LDB2: variants seen among roughly 807,000 people sequenced by gnomAD.
LDB2 encodes LIM domain binding 2.
In LDB2, 12 loss-of-function variants were observed where a neutral mutation model predicts 44.3. The ratio of observed to expected loss-of-function variants is 0.27; its 90% CI spans 0.17 to 0.44. The LOEUF is 0.44. LDB2 is among the 20% of genes least tolerant of loss of function. The probability of loss-of-function intolerance (pLI) is 1.00; values close to 1 mark genes in which losing one functional copy is unlikely to be tolerated. For synonymous variants in LDB2, 164 were observed against 174.8 expected, an observed-to-expected ratio of 0.94 and a Z score of 0.49; for missense variants, 344 against 473.5, an observed-to-expected ratio of 0.73 and a Z score of 2.54.
intron 1 of LDB2, among the ~76,000 whole-genome samples, chr4:16,895,811 C>T (rs1690874367): frequency 6.6e-6 from 1 of 152,006 alleles, no homozygotes; most frequent in Non-Finnish European, 1.5e-5. Context: ...CTCAGAGCAG[C>T]TTTATCATAA....
At chr4:16,579,227 C>T (rs371915874) in intron 5 of LDB2, among the ~76,000 whole-genome samples, 8 of 152,022 alleles carry the variant, frequency 5.3e-5, no homozygotes, top group South Asian at 4.2e-4. Context: ...TGATGGATAC[C>T]GTATTTACCT....
intron 2 of LDB2, among the ~76,000 whole-genome samples, chr4:16,693,966 A>G (rs1166676131): frequency 6.6e-6 from 1 of 152,188 alleles, no homozygotes; most frequent in Non-Finnish European, 1.5e-5. Context: ...GAAATCATTC[A>G]AACTTTCAAC....
intron 5 of LDB2, among the ~76,000 whole-genome samples, chr4:16,556,464 G>A (rs537073889): frequency 6.6e-6 from 1 of 152,312 alleles, no homozygotes; most frequent in Admixed American, 6.5e-5. Context: ...AGACTGCTTT[G>A]TGCATTATCA....
At chr4:16,563,454 TTTTTTTTTTTTTG>T (rs1173388969) in intron 5 of LDB2, among the ~76,000 whole-genome samples, 1 of 104,880 alleles carries the variant, frequency 9.5e-6, no homozygotes, top group East Asian at 4.9e-4. Flanking sequence ...TTTTTTTTTT[TTTTTTTTTTTTTG>T]AGATGGAGTC....
chr4:16,742,731 G>T (rs1763569098), intron 2 of LDB2, among the ~76,000 whole-genome samples: 1 of 152,118 alleles, frequency 6.6e-6, no homozygotes, highest in Non-Finnish European at 1.5e-5. Flanking sequence ...CTTTTCTATA[G>T]ATTTCAATAG....
At chr4:16,517,286 T>C (rs1360200731) in intron 5 of LDB2, among the ~76,000 whole-genome samples, 1 of 152,116 alleles carries the variant, frequency 6.6e-6, no homozygotes, top group Admixed American at 6.5e-5. Flanking sequence ...CCCCTGTTTG[T>C]AATAAGTATG....
chr4:16,596,558 T>C (rs1293861088), intron 2 of LDB2, among the ~76,000 whole-genome samples: 1 of 152,202 alleles, frequency 6.6e-6, no homozygotes, highest in Non-Finnish European at 1.5e-5. Flanking sequence ...CCAACTGCTT[T>C]AAACAATGGA....
intron 5 of LDB2, among the ~76,000 whole-genome samples, chr4:16,554,514 A>G (rs984801836): frequency 9.2e-5 from 14 of 152,284 alleles, no homozygotes; most frequent in African/African-American, 3.4e-4. Context: ...TTAGCTCTCA[A>G]GCTTGGCTAC....
chr4:16,785,134 T>A (rs1183253693), intron 1 of LDB2, among the ~76,000 whole-genome samples: 2 of 152,036 alleles, frequency 1.3e-5, no homozygotes, highest in Non-Finnish European at 2.9e-5. Flanking sequence ...TAAAAATAAA[T>A]CCTTTTTCTT....
At chr4:16,893,913 T>C (rs1724159538) in intron 1 of LDB2, among the ~76,000 whole-genome samples, 1 of 152,162 alleles carries the variant, frequency 6.6e-6, no homozygotes, top group African/African-American at 2.4e-5. Context: ...AGTTATCTCC[T>C]CTAACAAAGA....
At chr4:16,850,947 A>ATGTGTGT (rs71649986) in intron 1 of LDB2, among the ~76,000 whole-genome samples, 283 of 143,176 alleles carry the variant, frequency 2.0e-3, no homozygotes, top group African/African-American at 7.1e-3. Context: ...TAAAACCATA[A>ATGTGTGT]GTGTGTGTGT....
At chr4:16,684,053 A>G (rs552773385) in intron 2 of LDB2, among the ~76,000 whole-genome samples, 67 of 152,220 alleles carry the variant, frequency 4.4e-4, no homozygotes, top group Non-Finnish European at 7.6e-4. Flanking sequence ...TAGTTCCTGA[A>G]TGGGCAGCCA....
chr4:16,549,129 T>TA (rs1006467786), intron 5 of LDB2, among the ~76,000 whole-genome samples: 10 of 152,358 alleles, frequency 6.6e-5, no homozygotes, highest in African/African-American at 2.4e-4. Flanking sequence ...ATCATAGAGC[T>TA]AACAAGTACA....
At chr4:16,567,988 G>A (rs1242453319) in intron 5 of LDB2, among the ~76,000 whole-genome samples, 1 of 152,262 alleles carries the variant, frequency 6.6e-6, no homozygotes, top group South Asian at 2.1e-4. Flanking sequence ...GTGACGGTGA[G>A]AAATGGAAAA....
At chr4:16,674,891 C>T (rs907180602) in intron 2 of LDB2, among the ~76,000 whole-genome samples, 39 of 152,180 alleles carry the variant, frequency 2.6e-4, no homozygotes, top group Admixed American at 3.3e-4. Flanking sequence ...GGCTTCTGTT[C>T]TTATTCAAAA....
intron 5 of LDB2, among the ~76,000 whole-genome samples, chr4:16,542,748 A>T (rs1233622942): frequency 1.3e-5 from 2 of 151,628 alleles, no homozygotes; most frequent in Non-Finnish European, 2.9e-5. Context: ...CAATTTACAA[A>T]TGGTTTTTTT....
chr4:16,863,656 C>CTTTTTTTTTTTTTTTTTT (rs143950913), intron 1 of LDB2, among the ~76,000 whole-genome samples: 1 of 91,956 alleles, frequency 1.1e-5, no homozygotes, highest in Non-Finnish European at 1.9e-5. Context: ...CTCACATTCT[C>CTTTTTTTTTTTTTTTTTT]TTTTTTTTTT....
intron 1 of LDB2, among the ~76,000 whole-genome samples, chr4:16,797,186 C>T (rs1399934240): frequency 6.6e-6 from 1 of 152,178 alleles, no homozygotes; most frequent in East Asian, 1.9e-4. Flanking sequence ...GGTCAGCCCG[C>T]CCTGTATGAG....
At chr4:16,568,133 A>T (rs1745207996) in intron 5 of LDB2, among the ~76,000 whole-genome samples, 1 of 152,156 alleles carries the variant, frequency 6.6e-6, no homozygotes, top group East Asian at 1.9e-4. Flanking sequence ...ATTCAATCCA[A>T]TATTATTTTT....
Sources: gnomAD v4.1 joint callset for allele counts (sites outside exome capture counted in the v4.1 genomes callset) on GRCh38, gnomAD v4.1.1 for gene constraint, MANE v1.5 for transcripts, NCBI Gene and HGNC (gene_info 2026-07-23, HGNC 2026-07-21) for gene names.